NSMCE2: variants seen among roughly 807,000 people sequenced by gnomAD.
The protein encoded by NSMCE2 is NSE2 SUMO ligase component of SMC5/6 complex, also known as E3 SUMO-protein ligase NSE2.
NSMCE2 carries 24 observed loss-of-function variants against 23.8 expected under a neutral mutation model. The observed-to-expected ratio is 1.01, with a 90% CI of 0.73 to 1.42. The LOEUF (loss-of-function observed/expected upper bound fraction) is 1.42, where lower values mean the gene tolerates loss of function less well. Ranked by LOEUF, NSMCE2 falls within the 40% of genes most tolerant of loss-of-function variation. The pLI, the probability that NSMCE2 is intolerant of heterozygous loss-of-function variation, is 0.00. For synonymous variants in NSMCE2, 92 were observed against 94.1 expected, an observed-to-expected ratio of 0.98 and a Z score of 0.13; for missense variants, 284 against 296.5, an observed-to-expected ratio of 0.96 and a Z score of 0.31.
intron 7 of NSMCE2, among the ~76,000 whole-genome samples, chr8:125,363,825 A>T (rs79510006): frequency 6.6e-6 from 1 of 152,212 alleles, no homozygotes; most frequent in Admixed American, 6.5e-5. Flanking sequence ...TGCAAAGCCA[A>T]ATCATCAAAA....
intron 5 of NSMCE2, among the ~76,000 whole-genome samples, chr8:125,199,381 CTTTG>C (rs1823766512): frequency 6.6e-6 from 1 of 152,176 alleles, no homozygotes; most frequent in Non-Finnish European, 1.5e-5. Context: ...TACGTTGTAT[CTTTG>C]TTCTCATTGG....
At chr8:125,168,205 G>T (rs1023464840) in intron 4 of NSMCE2, among the ~76,000 whole-genome samples, 4 of 152,188 alleles carry the variant, frequency 2.6e-5, no homozygotes, top group African/African-American at 9.7e-5. Context: ...GAAGATTGTA[G>T]TGAATGGCAG....
At chr8:125,150,876 AAGGGCAC>A (rs1820975636) in intron 3 of NSMCE2, among the ~76,000 whole-genome samples, 1 of 152,146 alleles carries the variant, frequency 6.6e-6, no homozygotes, top group Admixed American at 6.5e-5. Flanking sequence ...TCATGTAAGT[AAGGGCAC>A]AGCCTGGAAC....
At chr8:125,341,414 G>A (rs923321619) in intron 5 of NSMCE2, among the ~76,000 whole-genome samples, 44 of 151,934 alleles carry the variant, frequency 2.9e-4, no homozygotes, top group South Asian at 2.1e-4. Context: ...GTTTTGTCCC[G>A]CTTACAACTG....
chr8:125,307,901 C>T (rs563254050), intron 5 of NSMCE2, among the ~76,000 whole-genome samples: 4 of 152,314 alleles, frequency 2.6e-5, no homozygotes, highest in East Asian at 1.9e-4. Context: ...TAGTTGTATA[C>T]GCATATGTCA....
chr8:125,301,195 A>G (rs1828548870), intron 5 of NSMCE2, among the ~76,000 whole-genome samples: 1 of 152,226 alleles, frequency 6.6e-6, no homozygotes, highest in Non-Finnish European at 1.5e-5. Context: ...GAACCCCAGC[A>G]GCACAGGCTG....
In NSMCE2 at chr8:125,330,177, C is replaced by CTTTTTTTTTTTTTT. The variant is rs34345598; in HGVS notation, c.419-27039_419-27038insTTTTTTTTTTTTTT. Among the ~76,000 whole-genome samples the CTTTTTTTTTTTTTT allele has an allele frequency of 5.9e-5, 7 of 119,142 alleles. 2 individuals carry two copies. The highest frequency in any genetic ancestry group is 4.3e-4 in the East Asian group (2 of 4,598). 78.2% of individuals were successfully genotyped at this position (119,142 alleles called of 152,430 possible). On this transcript the variant is annotated intron_variant, in intron 5 of 7. Transcript: ENST00000287437. ...AAACAGAACTAACTTTTTCTTTTTT[C>CTTTTTTTTTTTTTT]TTTCTTTTTTTTTTTTTTTGAGACA...
At chr8:125,128,850 T>G (rs1421239638) in intron 3 of NSMCE2, among the ~76,000 whole-genome samples, 1 of 152,178 alleles carries the variant, frequency 6.6e-6, no homozygotes, top group Non-Finnish European at 1.5e-5. Flanking sequence ...TTACATTAGG[T>G]CCACCCAGAT....
chr8:125,364,706 C>T (rs1386026460), intron 7 of NSMCE2, among the ~76,000 whole-genome samples: 2 of 152,168 alleles, frequency 1.3e-5, no homozygotes, highest in Non-Finnish European at 2.9e-5. Context: ...TGAGGGAACA[C>T]ATGATAGTCA....
At chr8:125,282,976 A>G (rs1453762655) in intron 5 of NSMCE2, among the ~76,000 whole-genome samples, 1 of 152,226 alleles carries the variant, frequency 6.6e-6, no homozygotes, top group African/African-American at 2.4e-5. Context: ...TTGAAAGAGC[A>G]AGTCATAAAG....
chr8:125,164,987 A>G (rs1386649008), intron 4 of NSMCE2, among the ~76,000 whole-genome samples: 1 of 152,212 alleles, frequency 6.6e-6, no homozygotes, highest in Non-Finnish European at 1.5e-5. Flanking sequence ...CCATGATAGA[A>G]GACAGTGATA....
intron 3 of NSMCE2, among the ~76,000 whole-genome samples, chr8:125,139,541 C>T (rs1445155760): frequency 6.6e-6 from 1 of 152,142 alleles, no homozygotes; most frequent in African/African-American, 2.4e-5. Context: ...AAAGGAGTAG[C>T]AGAGTCATGT....
At chr8:125,232,277 C>T (rs1009733687) in intron 5 of NSMCE2, among the ~76,000 whole-genome samples, 3 of 151,928 alleles carry the variant, frequency 2.0e-5, no homozygotes, top group African/African-American at 4.8e-5. Context: ...GCAGGAGAAT[C>T]GCTTGAACCC....
At chr8:125,288,227 A>T (rs1304779938) in intron 5 of NSMCE2, among the ~76,000 whole-genome samples, 1 of 152,036 alleles carries the variant, frequency 6.6e-6, no homozygotes, top group African/African-American at 2.4e-5. Context: ...ACTCACCTTT[A>T]TGCTACTGCG....
At chr8:125,144,446 G>C (rs181839427) in intron 3 of NSMCE2, among the ~76,000 whole-genome samples, 3 of 152,276 alleles carry the variant, frequency 2.0e-5, no homozygotes, top group African/African-American at 7.2e-5. Flanking sequence ...CTAGAAAATG[G>C]CATTATACTG....
At chr8:125,360,803 G>C (rs1586820713) in intron 7 of NSMCE2, among the ~76,000 whole-genome samples, 2 of 152,152 alleles carry the variant, frequency 1.3e-5, no homozygotes, top group African/African-American at 4.8e-5. Flanking sequence ...ATGACACATT[G>C]TCTCATTTCT....
intron 5 of NSMCE2, among the ~76,000 whole-genome samples, chr8:125,237,505 C>A (rs1825608684): frequency 6.6e-6 from 1 of 152,194 alleles, no homozygotes; most frequent in Admixed American, 6.5e-5. Context: ...GCACTGGAAT[C>A]CTACATAATT....
intron 4 of NSMCE2, among the ~76,000 whole-genome samples, chr8:125,161,364 G>T (rs962555157): frequency 2.0e-5 from 3 of 152,022 alleles, no homozygotes; most frequent in African/African-American, 7.2e-5. Flanking sequence ...TTTATCTTGG[G>T]TTAGAGTAAT....
At chr8:125,107,000 A>G (rs916915032) in intron 3 of NSMCE2, among the ~76,000 whole-genome samples, 4 of 151,938 alleles carry the variant, frequency 2.6e-5, no homozygotes, top group African/African-American at 4.8e-5. Context: ...TGTCTCAAAA[A>G]AAAAACAACA....
Sources: allele counts gnomAD v4.1 joint callset (sites outside exome capture counted in the v4.1 genomes callset), GRCh38; gene constraint gnomAD v4.1.1; transcripts MANE v1.5; gene names NCBI Gene and HGNC (gene_info 2026-07-23, HGNC 2026-07-21).